Variants in MTUS2 observed in about 807,000 individuals in gnomAD.
MTUS2 encodes microtubule-associated tumor suppressor candidate 2.
MTUS2 carries 40 observed loss-of-function variants against 114.1 expected under a neutral mutation model. The observed-to-expected ratio is 0.35, with a 90% CI of 0.27 to 0.46. The LOEUF (loss-of-function observed/expected upper bound fraction) is 0.46, where lower values mean the gene tolerates loss of function less well. Among genes scored for constraint, MTUS2 ranks in the 20% least tolerant of loss-of-function variants. The pLI, the probability that MTUS2 is intolerant of heterozygous loss-of-function variation, is 1.00. For missense variants in MTUS2, 1,679 were observed against 1,705.4 expected, an observed-to-expected ratio of 0.98 and a Z score of 0.27; for synonymous variants, 688 against 672.0, an observed-to-expected ratio of 1.02 and a Z score of -0.37.
At chr13:29,089,322 A>G (rs1889836823) in intron 4 of MTUS2, among the ~76,000 whole-genome samples, 1 of 152,280 alleles carries the variant, frequency 6.6e-6, no homozygotes, top group East Asian at 1.9e-4. Flanking sequence ...TGAAAGGTCC[A>G]CTGTTAAGCT....
At chr13:29,306,919 C>T in intron 6 of MTUS2, 1 of 533,542 alleles carries the variant, frequency 1.9e-6, no homozygotes, top group East Asian at 4.8e-5. Flanking sequence ...CTACATGTTC[C>T]AGTATGGTTC....
rs554632582 is a variant in MTUS2, at chr13:28,961,438, TCA to T, written c.-242-63018_-242-63017del. ...AACAATTAGAATGACATTGGATTTC[TCA>T]TCAGAAAGTGTGGAGAGCAGAGCAA... On this transcript the variant is annotated intron_variant, in intron 2 of 15. Transcript: ENST00000612955. Among the ~76,000 whole-genome samples the T allele has an allele frequency of 2.7e-3, 405 of 152,294 alleles. 2 individuals are homozygous for T. Among genetic ancestry groups the T allele is most frequent in the Middle Eastern group, 0.01 (3 of 294 alleles).
chr13:29,251,381 C>T (rs1053129992), intron 5 of MTUS2, among the ~76,000 whole-genome samples: 3 of 152,002 alleles, frequency 2.0e-5, no homozygotes, highest in Non-Finnish European at 4.4e-5. Context: ...TACATTTTGA[C>T]CATTTTTATT....
chr13:28,910,409 ATG>A (rs1430669287), intron 2 of MTUS2, among the ~76,000 whole-genome samples: 3 of 151,764 alleles, frequency 2.0e-5, no homozygotes, highest in African/African-American at 7.3e-5. Flanking sequence ...TCCAGGGAAG[ATG>A]TGTAGGATGT....
intron 6 of MTUS2, among the ~76,000 whole-genome samples, chr13:29,287,470 T>C (rs1227151406): frequency 6.6e-6 from 1 of 150,830 alleles, no homozygotes; most frequent in African/African-American, 2.5e-5. Flanking sequence ...AGAAGTGTGC[T>C]CCTTTCCCTA....
chr13:29,098,857 T>A (rs1429111895), intron 4 of MTUS2, among the ~76,000 whole-genome samples: 1 of 152,214 alleles, frequency 6.6e-6, no homozygotes, highest in African/African-American at 2.4e-5. Flanking sequence ...TTCAGAAAAA[T>A]TATTTTGTTC....
chr13:29,334,414 C>G (rs1278112212), intron 7 of MTUS2, among the ~76,000 whole-genome samples: 1 of 152,184 alleles, frequency 6.6e-6, no homozygotes, highest in Non-Finnish European at 1.5e-5. Flanking sequence ...GTGACAAAAT[C>G]TCTCAGTATT....
chr13:29,501,006 G>C, intron 14 of MTUS2, 91 bp from the exon 15 acceptor site: 1 of 962,788 alleles, frequency 1.0e-6, no homozygotes, highest in Non-Finnish European at 1.6e-6. Context: ...TGCTGTTCTT[G>C]ATAATCCTCC....
intron 5 of MTUS2, among the ~76,000 whole-genome samples, chr13:29,149,226 A>G (rs1159051762): frequency 2.0e-5 from 3 of 152,144 alleles, no homozygotes; most frequent in African/African-American, 4.8e-5. Context: ...TCTGACTGGC[A>G]TGAAATGGTA....
At chr13:29,287,570 C>T (rs1011296417) in intron 6 of MTUS2, among the ~76,000 whole-genome samples, 6 of 152,074 alleles carry the variant, frequency 3.9e-5, no homozygotes, top group Non-Finnish European at 8.8e-5. Flanking sequence ...TTACTTTCTC[C>T]AGAGGCAAAA....
At chr13:28,882,371 T>G (rs919103511) in intron 2 of MTUS2, among the ~76,000 whole-genome samples, 25 of 152,256 alleles carry the variant, frequency 1.6e-4, no homozygotes, top group African/African-American at 6.0e-4. Flanking sequence ...AAATTGATCA[T>G]AGACCTAAAT....
chr13:28,969,497 A>C (rs973526178), intron 2 of MTUS2, among the ~76,000 whole-genome samples: 1 of 151,770 alleles, frequency 6.6e-6, no homozygotes. Flanking sequence ...TGCACTATTT[A>C]TTTTATTTAT....
At chr13:29,380,020 G>C (rs1872082798) in intron 8 of MTUS2, among the ~76,000 whole-genome samples, 1 of 152,176 alleles carries the variant, frequency 6.6e-6, no homozygotes, top group African/African-American at 2.4e-5. Flanking sequence ...GAGGCCCCAG[G>C]GCTGTAACAA....
intron 2 of MTUS2, among the ~76,000 whole-genome samples, chr13:28,945,636 G>A (rs1882487392): frequency 6.6e-6 from 1 of 152,122 alleles, no homozygotes; most frequent in Admixed American, 6.5e-5. Context: ...TTTGAAAAAT[G>A]TCTGTTCATA....
At chr13:29,138,888 G>A (rs1256956830) in intron 5 of MTUS2, among the ~76,000 whole-genome samples, 1 of 151,990 alleles carries the variant, frequency 6.6e-6, no homozygotes. Context: ...ATTTAATAAG[G>A]TATTATTATA....
chr13:29,264,966 G>A lies in MTUS2; in HGVS notation c.2645-16738G>A, dbSNP rs114427368. Among the ~76,000 whole-genome samples the A allele has an allele frequency of 9.1e-3, 1,390 of 152,338 alleles. 20 individuals carry two copies. The highest frequency in any genetic ancestry group is 0.032 in the African/African-American group (1,311 of 41,578). On this transcript the variant is annotated intron_variant, in intron 5 of 15. Coordinates refer to ENST00000612955, the MANE Select transcript of MTUS2 (RefSeq NM_001033602.4). ...ATTTCTAGCAAGTGGTTGCTCCATA[G>A]TCTGATTGAATTCCTCTTTACTTTT...
intron 5 of MTUS2, among the ~76,000 whole-genome samples, chr13:29,163,157 A>G (rs574751650): frequency 1.3e-5 from 2 of 152,318 alleles, no homozygotes; most frequent in Admixed American, 6.5e-5. Flanking sequence ...GATAAATAAT[A>G]TTTTAATGTC....
chr13:29,381,906 A>C (rs1234067082), intron 8 of MTUS2, among the ~76,000 whole-genome samples: 1 of 152,208 alleles, frequency 6.6e-6, no homozygotes, highest in Non-Finnish European at 1.5e-5. Flanking sequence ...ACAGACATGA[A>C]AGTTGGAAAT....
intron 2 of MTUS2, among the ~76,000 whole-genome samples, chr13:28,906,779 C>T (rs780920310): frequency 3.2e-4 from 48 of 151,210 alleles, no homozygotes; most frequent in Non-Finnish European, 6.3e-4. Context: ...GTCTGCTTGG[C>T]GCAGAGCTGA....
Sources: allele counts gnomAD v4.1 joint callset (sites outside exome capture counted in the v4.1 genomes callset), GRCh38; gene constraint gnomAD v4.1.1; transcripts MANE v1.5; gene names NCBI Gene and HGNC (gene_info 2026-07-23, HGNC 2026-07-21).